Variants in ABCA12 observed in about 807,000 individuals in gnomAD.
The protein encoded by ABCA12 is ATP binding cassette subfamily A member 12.
A neutral mutation model predicts 293.5 loss-of-function variants in ABCA12; 156 were observed. The ratio of observed to expected loss-of-function variants is 0.53; its 90% CI spans 0.47 to 0.61. The LOEUF (loss-of-function observed/expected upper bound fraction) is 0.61. ABCA12 is among the 20% of genes least tolerant of loss of function. The probability of loss-of-function intolerance (pLI) is 0.00; values close to 1 mark genes in which losing one functional copy is unlikely to be tolerated. For missense variants in ABCA12, 2,797 were observed against 3,090.2 expected (o/e 0.91, Z 2.25); for synonymous variants, 1,063 against 1,108.0 (o/e 0.96, Z 0.81).
At chr2:215,134,356 A>ATGTATATATGTACATATATGTATATG (rs1559213703) in intron 1 of ABCA12, among the ~76,000 whole-genome samples, 1 of 140,860 alleles carries the variant, frequency 7.1e-6, no homozygotes, top group Non-Finnish European at 1.5e-5. Flanking sequence ...ATGTGTATAT[A>ATGTATATATGTACATATATGTATATG]TGTATATGTG....
intron 1 of ABCA12, among the ~76,000 whole-genome samples, chr2:215,134,528 G>A (rs1462395225): frequency 7.7e-6 from 1 of 130,346 alleles, no homozygotes. Flanking sequence ...GTATATATAC[G>A]TATATATGTA....
At position 215,095,549 on chromosome 2, in the gene ABCA12, A is replaced by C. The variant is rs149741154; in HGVS notation, c.163+16048T>G. Among the ~76,000 whole-genome samples the C allele has an allele frequency of 9.4e-3, 1,428 of 152,176 alleles. 16 individuals carry two copies. The highest frequency in any genetic ancestry group is 0.032 in the African/African-American group (1,319 of 41,496). Reference sequence around the variant, plus strand: ...CCCACACCTCCCCTAATCCTGCTCGAAGCAGCCCTGAGAGACATCACGCAT... The same window carrying C: ...CCCACACCTCCCCTAATCCTGCTCGCAGCAGCCCTGAGAGACATCACGCAT... On this transcript the variant is annotated intron_variant, in intron 2 of 52. Coordinates refer to ENST00000272895, the MANE Select transcript of ABCA12 (RefSeq NM_173076.3).
intron 1 of ABCA12, among the ~76,000 whole-genome samples, chr2:215,116,987 G>C (rs1446005975): frequency 2.0e-5 from 3 of 152,172 alleles, no homozygotes; most frequent in Non-Finnish European, 4.4e-5. Context: ...AAAGGCCACA[G>C]TTCCAACAAC....
intron 2 of ABCA12, among the ~76,000 whole-genome samples, chr2:215,093,306 C>T (rs969970794): frequency 6.6e-6 from 1 of 152,180 alleles, no homozygotes; most frequent in Non-Finnish European, 1.5e-5. Flanking sequence ...GGTACTTTCA[C>T]CTTTGAATAC....
Position 215,019,699 on chromosome 2 carries a change from C to T in ABCA12, c.1385G>A (p.Ser462Asn), listed in dbSNP as rs1446542887. The T allele has an allele frequency of 3.7e-6, 6 of 1,614,170 alleles. No homozygotes were observed. Among genetic ancestry groups the T allele is most frequent in the Non-Finnish European group, 5.1e-6 (6 of 1,180,032 alleles). ...ATCAAACTCACTTTCTTCACACAGG[C>T]TCCCAAAGCTCATATCAGAGAGCTG... ...SCQLSDMSFG[S>N]LCEESEFDLQ... Residue 462 changes from serine to asparagine, a missense_variant, in exon 12 of 53, where the codon AGC becomes AAC. Physicochemically the swap from Ser to Asn is conservative, Grantham distance 46 (BLOSUM62 1). Around this residue, in one of 3 missense-constraint regions of ABCA12, gnomAD observed 656 missense variants for 638.2 expected, o/e 1.03. Transcript: ENST00000272895.
intron 7 of ABCA12, among the ~76,000 whole-genome samples, chr2:215,043,133 A>C (rs57066129): frequency 0.29 from 44,317 of 151,844 alleles, 7,721 homozygotes; most frequent in Middle Eastern, 0.4. Context: ...ATGATATCTC[A>C]TTATAGTTTT....
intron 1 of ABCA12, among the ~76,000 whole-genome samples, chr2:215,117,361 GT>G (rs974504677): frequency 5.3e-4 from 80 of 152,268 alleles, no homozygotes; most frequent in African/African-American, 1.9e-3. Flanking sequence ...CAGTGACCTT[GT>G]AGTCACTAAG....
At chr2:215,095,595 A>C (rs1038651058) in intron 2 of ABCA12, among the ~76,000 whole-genome samples, 3 of 152,078 alleles carry the variant, frequency 2.0e-5, no homozygotes, top group African/African-American at 4.8e-5. Context: ...TACCACCCCC[A>C]AAAATTTTTG....
chr2:215,093,151 C>A (rs1047129079), intron 2 of ABCA12, among the ~76,000 whole-genome samples: 4 of 152,196 alleles, frequency 2.6e-5, no homozygotes, highest in Non-Finnish European at 4.4e-5. Context: ...CTCCAAAGCC[C>A]AGATATCTTC....
chr2:215,095,756 C>T (rs1318567037), intron 2 of ABCA12, among the ~76,000 whole-genome samples: 2 of 152,130 alleles, frequency 1.3e-5, no homozygotes, highest in African/African-American at 4.8e-5. Context: ...ATGACCGGTT[C>T]CTGCCTTAAC....
At chr2:214,965,775 T>C (rs1350781509) in intron 39 of ABCA12, among the ~76,000 whole-genome samples, 1 of 152,170 alleles carries the variant, frequency 6.6e-6, no homozygotes. Context: ...ACTTTTACAC[T>C]GTTTGTTAGT....
rs1698912979 is a variant in ABCA12, at chr2:214,955,364, G to A, written c.6234-3C>T. On this transcript the variant is annotated splice_region_variant and splice_polypyrimidine_tract_variant and intron_variant, in intron 42 of 52. Transcript: ENST00000272895. The stretch of plus-strand genomic sequence containing the variant: ...ACATCCAGGAAAATGTTGCATACCT[G>A]CAGGTTAAAAACACAAAGAATTAAA... The A allele has an allele frequency of 4.3e-6, 7 of 1,613,964 alleles. No individual in the cohort carries two copies. The highest frequency in any genetic ancestry group is 5.9e-6 in the Non-Finnish European group (7 of 1,179,900).
intron 1 of ABCA12, among the ~76,000 whole-genome samples, chr2:215,129,093 T>C (rs774890408): frequency 1.3e-5 from 2 of 152,196 alleles, no homozygotes; most frequent in African/African-American, 2.4e-5. Context: ...CCAGCTATTC[T>C]ACCCGGCTCT....
intron 45 of ABCA12, among the ~76,000 whole-genome samples, chr2:214,950,442 A>G (rs1234266986): frequency 1.3e-5 from 2 of 149,020 alleles, no homozygotes; most frequent in Admixed American, 1.4e-4. Flanking sequence ...ATGTGTGTAT[A>G]TTTTCCCATG....
Position 214,948,599 on chromosome 2 carries a change from T to C in ABCA12, c.7101A>G (p.Lys2367=). The stretch of plus-strand genomic sequence containing the variant: ...AATTTTTCACACTTGTACTCACTTC[T>C]TTAATATCCTTTTCTGGAATTCCAT... The part of the protein sequence containing the change: ...RVHGIPEKDI[K]ETVHKLLRRL... Residue 2367 remains lysine (K), a synonymous_variant, in exon 47 of 53, where the codon AAA becomes AAG. Transcript: ENST00000272895. 1 of 1,613,978 alleles carries C rather than the reference T, an allele frequency of 6.2e-7. No homozygotes were observed. The highest frequency in any genetic ancestry group is 8.5e-7 in the Non-Finnish European group (1 of 1,179,910).
At chr2:215,138,076 A>C in intron 1 of ABCA12, 64 bp downstream of exon 1, 1 of 1,472,090 alleles carries the variant, frequency 6.8e-7, no homozygotes, top group Non-Finnish European at 9.5e-7. Flanking sequence ...CATTAAGATC[A>C]CATTTTAGGA....
intron 2 of ABCA12, among the ~76,000 whole-genome samples, chr2:215,078,196 G>T (rs1001397664): frequency 6.6e-6 from 1 of 152,156 alleles, no homozygotes; most frequent in Admixed American, 6.5e-5. Context: ...AAATGATACC[G>T]CTTTATTAGT....
At chr2:215,011,053 GA>G (rs529176848) in intron 17 of ABCA12, among the ~76,000 whole-genome samples, 2,611 of 152,166 alleles carry the variant, frequency 0.017, 40 homozygotes, top group Non-Finnish European at 0.025. Flanking sequence ...AGAAAGTTAG[GA>G]AAAAAATTTC....
Position 214,974,749 on chromosome 2 carries a change from C to CA in ABCA12, c.5468+28dup, listed in dbSNP as rs149819901. On this transcript the variant is annotated intron_variant, in intron 35 of 52. Transcript: ENST00000272895. ...CACACTCAAACTGGAATGCTGAAAA[C>CA]AAAAAATAGAAGAGCAAGAACCACT... 2.5e-3 allele frequency: 4,083 copies of CA among 1,610,060 alleles called. 95 individuals carry two copies. The African/African-American group carries it at 0.049, about 19-fold the overall frequency.
Sources: gnomAD v4.1 joint callset for allele counts (sites outside exome capture counted in the v4.1 genomes callset) on GRCh38, gnomAD v4.1.1 for gene constraint, gnomAD v4.1.1 regional missense constraint, MANE v1.5 for transcripts, NCBI Gene and HGNC (gene_info 2026-07-23, HGNC 2026-07-21) for gene names.